Variants in DGKB observed in about 807,000 individuals in gnomAD.
DGKB encodes 90 kDa diacylglycerol kinase.
Under a neutral mutation model 114.3 loss-of-function variants are expected in DGKB, and 67 were observed. The observed-to-expected ratio is 0.59, with a 90% CI of 0.48 to 0.72. The LOEUF is 0.72. DGKB is among the 30% of genes least tolerant of loss of function. DGKB has a pLI of 0.00. For synonymous variants in DGKB, 398 were observed against 323.1 expected (o/e 1.23, Z -2.49); for missense variants, 907 against 975.2 (o/e 0.93, Z 0.93).
chr7:14,435,908 T>C (rs1829170537), intron 21 of DGKB, among the ~76,000 whole-genome samples: 1 of 152,148 alleles, frequency 6.6e-6, no homozygotes, highest in Non-Finnish European at 1.5e-5. Flanking sequence ...TATTGTAATA[T>C]TCTTTCCTGG....
chr7:14,714,883 T>C (rs1478638731), intron 6 of DGKB, among the ~76,000 whole-genome samples: 2 of 152,140 alleles, frequency 1.3e-5, no homozygotes, highest in African/African-American at 4.8e-5. Context: ...AGCAAGCAAA[T>C]TCAAGAGGGA....
intron 23 of DGKB, among the ~76,000 whole-genome samples, chr7:14,189,115 GTTAA>G (rs1350860953): frequency 5.9e-5 from 9 of 152,274 alleles, no homozygotes; most frequent in African/African-American, 1.9e-4. Flanking sequence ...CGTAGAGTAA[GTTAA>G]TTAATCAAAT....
Position 14,733,778 on chromosome 7 carries a change from G to GAAAGAAAGAAAGAAAGAAAGA in DGKB, c.322+2262_322+2263insTCTTTCTTTCTTTCTTTCTTT, listed in dbSNP as rs766452135. Among the ~76,000 whole-genome samples the GAAAGAAAGAAAGAAAGAAAGA allele has an allele frequency of 1.0e-3, 151 of 145,218 alleles. 2 individuals are homozygous for GAAAGAAAGAAAGAAAGAAAGA. The highest frequency in any genetic ancestry group is 7.2e-3 in the Middle Eastern group (2 of 278). On this transcript the variant is annotated intron_variant, in intron 5 of 25. Transcript: ENST00000402815. Reference sequence around the variant, plus strand: ...GAAAGAAAGAAAGAAAGAAAGAAAGGAAGAAAGAAAGAAGGGAGAGAGGGA... The same window carrying GAAAGAAAGAAAGAAAGAAAGA: ...GAAAGAAAGAAAGAAAGAAAGAAAGGAAAGAAAGAAAGAAAGAAAGAAAGAAAGAAAGAAGGGAGAGAGGGA...
At chr7:14,210,324 T>C (rs1787553382) in intron 23 of DGKB, among the ~76,000 whole-genome samples, 1 of 152,078 alleles carries the variant, frequency 6.6e-6, no homozygotes, top group African/African-American at 2.4e-5. Flanking sequence ...AAACAGGAAT[T>C]CATTTCAGGC....
At chr7:14,503,319 C>T (rs189720956) in intron 20 of DGKB, among the ~76,000 whole-genome samples, 1 of 152,254 alleles carries the variant, frequency 6.6e-6, no homozygotes, top group East Asian at 1.9e-4. Flanking sequence ...GTGTGTCTGT[C>T]ATCTCCAAGA....
chr7:14,775,296 C>G (rs555047212), intron 2 of DGKB, among the ~76,000 whole-genome samples: 24 of 151,772 alleles, frequency 1.6e-4, no homozygotes, highest in African/African-American at 4.6e-4. Context: ...ATTTTTCAAG[C>G]AGCCTCTTAT....
intron 20 of DGKB, among the ~76,000 whole-genome samples, chr7:14,542,290 C>A (rs2128621640): frequency 6.6e-6 from 1 of 152,248 alleles, no homozygotes; most frequent in South Asian, 2.1e-4. Flanking sequence ...TTCCAAAGTG[C>A]TGGTGCAAGC....
At chr7:14,776,923 T>A (rs1328181338) in intron 2 of DGKB, among the ~76,000 whole-genome samples, 1 of 152,136 alleles carries the variant, frequency 6.6e-6, no homozygotes, top group African/African-American at 2.4e-5. Context: ...ATGCTAGCTA[T>A]GAAATCAGCC....
At chr7:14,387,331 T>C (rs1820544494) in intron 21 of DGKB, among the ~76,000 whole-genome samples, 1 of 149,072 alleles carries the variant, frequency 6.7e-6, no homozygotes, top group East Asian at 2.0e-4. Context: ...GAGAATTGCT[T>C]GAATCAGGGA....
chr7:14,936,855 T>G (rs1463876073), intron 1 of DGKB, among the ~76,000 whole-genome samples: 1 of 152,112 alleles, frequency 6.6e-6, no homozygotes, highest in Non-Finnish European at 1.5e-5. Context: ...AGAGAATACT[T>G]AAATCATTGC....
chr7:14,567,929 A>C (rs1185475958), intron 20 of DGKB, among the ~76,000 whole-genome samples: 1 of 150,356 alleles, frequency 6.7e-6, no homozygotes, highest in Non-Finnish European at 1.5e-5. Context: ...TCTTTAATTT[A>C]CTCCCATAAC....
intron 21 of DGKB, among the ~76,000 whole-genome samples, chr7:14,456,772 C>T (rs1324248580): frequency 6.6e-6 from 1 of 152,086 alleles, no homozygotes; most frequent in Non-Finnish European, 1.5e-5. Flanking sequence ...CAAGCATCTA[C>T]ATAATTGACA....
At chr7:14,853,241 T>C (rs2128163966) in intron 1 of DGKB, among the ~76,000 whole-genome samples, 1 of 152,150 alleles carries the variant, frequency 6.6e-6, no homozygotes, top group African/African-American at 2.4e-5. Flanking sequence ...AACAGAGAAA[T>C]GGACTCAATT....
At chr7:14,757,611 C>A in intron 3 of DGKB, 44 bp downstream of exon 3, 1 of 1,124,130 alleles carries the variant, frequency 8.9e-7, no homozygotes, top group South Asian at 1.3e-5. Context: ...ATACCCTCTT[C>A]CAAGCATATA....
intron 1 of DGKB, among the ~76,000 whole-genome samples, chr7:14,961,851 C>T (rs996493581): frequency 5.9e-5 from 9 of 152,038 alleles, no homozygotes; most frequent in African/African-American, 1.9e-4. Context: ...ACTTTGCTAG[C>T]CCCTCTAAAC....
intron 1 of DGKB, among the ~76,000 whole-genome samples, chr7:14,884,301 C>T (rs1003287842): frequency 3.3e-5 from 5 of 151,822 alleles, no homozygotes; most frequent in East Asian, 1.9e-4. Flanking sequence ...ATTATTGAAA[C>T]GGAACCATTT....
At chr7:14,492,901 C>A (rs371002679) in intron 20 of DGKB, among the ~76,000 whole-genome samples, 132 of 152,148 alleles carry the variant, frequency 8.7e-4, no homozygotes, top group African/African-American at 3.0e-3. Flanking sequence ...TGTAGGCTGT[C>A]ATAAATAGTA....
At chr7:14,862,758 C>T (rs1274013073) in intron 1 of DGKB, among the ~76,000 whole-genome samples, 2 of 152,156 alleles carry the variant, frequency 1.3e-5, no homozygotes, top group East Asian at 3.9e-4. Flanking sequence ...ACGCTTATAA[C>T]TTCTCTGTAC....
At chr7:14,167,861 T>TG (rs1358476111) in intron 25 of DGKB, among the ~76,000 whole-genome samples, 1 of 152,150 alleles carries the variant, frequency 6.6e-6, no homozygotes, top group Admixed American at 6.5e-5. Flanking sequence ...CTGTGAGAAT[T>TG]GAAAATACCT....
Sources: gnomAD v4.1 joint callset for allele counts (sites outside exome capture counted in the v4.1 genomes callset) on GRCh38, gnomAD v4.1.1 for gene constraint, MANE v1.5 for transcripts, NCBI Gene and HGNC (gene_info 2026-07-23, HGNC 2026-07-21) for gene names.